TBC1D9B: variants seen among roughly 807,000 people sequenced by gnomAD.
The protein encoded by TBC1D9B is TBC1 domain family member 9B, also known as TBC1 domain family, member 9B (with GRAM domain).
Under a neutral mutation model 121.1 loss-of-function variants are expected in TBC1D9B, and 87 were observed. The observed-to-expected ratio is 0.72, with a 90% CI of 0.60 to 0.86. TBC1D9B has a LOEUF of 0.86. TBC1D9B is among the 40% of genes least tolerant of loss of function. The probability of loss-of-function intolerance (pLI) is 0.00; values close to 1 mark genes in which losing one functional copy is unlikely to be tolerated. For synonymous variants in TBC1D9B, 668 were observed against 670.1 expected (o/e 1.00, Z 0.05); for missense variants, 1,540 against 1,628.6 (o/e 0.95, Z 0.94).
chr5:179,889,556 T>C (rs902204871), intron 6 of TBC1D9B, among the ~76,000 whole-genome samples: 2 of 152,012 alleles, frequency 1.3e-5, no homozygotes, highest in Admixed American at 1.3e-4. Context: ...TGCTGGTTGC[T>C]GTGGGAGGAT....
intron 1 of TBC1D9B, among the ~76,000 whole-genome samples, chr5:179,905,339 A>C (rs1481990088): frequency 6.6e-6 from 1 of 152,220 alleles, no homozygotes; most frequent in Non-Finnish European, 1.5e-5. Flanking sequence ...ATGATTCTGC[A>C]ACATTATTTT....
intron 10 of TBC1D9B, among the ~76,000 whole-genome samples, chr5:179,877,848 A>G (rs895033798): frequency 6.6e-6 from 1 of 152,200 alleles, no homozygotes; most frequent in Admixed American, 6.5e-5. Context: ...TATGAGACAC[A>G]GTAGTCAAAT....
chr5:179,866,042 G>A, intron 18 of TBC1D9B, 154 bp from the exon 19 acceptor site: 1 of 795,022 alleles, frequency 1.3e-6, no homozygotes, highest in Admixed American at 2.3e-5. Context: ...CTCCTGCCTG[G>A]CCCGCCCAGC....
At position 179,862,778 on chromosome 5, in the gene TBC1D9B, G is replaced by C. The variant is rs1759881646; in HGVS notation, c.*670C>G. 1 of 344,238 alleles carries C rather than the reference G, an allele frequency of 2.9e-6. No homozygotes were observed. The highest frequency in any genetic ancestry group is 5.9e-6 in the Non-Finnish European group (1 of 168,280). The allele number at this position is 344,238 out of a possible 1,614,324, so 21.3% of individuals were successfully genotyped here. ...GGGATTTATTAAGGCATTGAGCACA[G>C]TGTAATTTCTAGCCAAGTGAAATGA... On this transcript the variant is annotated 3_prime_UTR_variant, in exon 21 of 21. Transcript: ENST00000355235.
At position 179,867,396 on chromosome 5, in the gene TBC1D9B, G is replaced by A. The variant is rs201260257; in HGVS notation, c.2863+382C>T. 308 of 1,521,920 alleles carry A rather than the reference G, an allele frequency of 2.0e-4. 2 individuals are homozygous for A. In the African/African-American group the frequency reaches 3.7e-3, roughly 18 times the overall value. 94.3% of individuals were successfully genotyped at this position (1,521,920 alleles called of 1,614,324 possible). A position where few individuals can be genotyped will look rare whatever the true frequency, so the allele number is the denominator to read the frequency against. On this transcript the variant is annotated intron_variant, in intron 18 of 20. Transcript: ENST00000355235. ...GCTTCCAGGCTTCCTGATAGTGCAG[G>A]AAGAGTGTTAGGAGGTACAGGGGGC...
chr5:179,886,837 C>T (rs930042313), intron 7 of TBC1D9B, among the ~76,000 whole-genome samples: 1 of 152,226 alleles, frequency 6.6e-6, no homozygotes, highest in Non-Finnish European at 1.5e-5. Context: ...AGCAGCACAT[C>T]CATCTTGTCA....
chr5:179,867,397 AAG>A (rs1355435524), intron 18 of TBC1D9B: 32 of 1,522,310 alleles, frequency 2.1e-5, no homozygotes, highest in Non-Finnish European at 2.8e-5. Context: ...ATAGTGCAGG[AAG>A]AGTGTTAGGA....
At chr5:179,881,925 A>G (rs1056598334) in intron 7 of TBC1D9B, among the ~76,000 whole-genome samples, 7 of 148,726 alleles carry the variant, frequency 4.7e-5, no homozygotes, top group Non-Finnish European at 8.9e-5. Context: ...TCTATTTTCC[A>G]TATCTTTCCA....
Position 179,894,599 on chromosome 5 carries a change from C to G in TBC1D9B, c.364G>C (p.Glu122Gln). Residue 122 changes from glutamate (E) to glutamine (Q), a missense_variant, in exon 4 of 21, where the codon GAG becomes CAG. Physicochemically the swap from Glu to Gln is conservative, Grantham distance 29. Coordinates refer to ENST00000355235, the MANE Select transcript of TBC1D9B (RefSeq NM_015043.4). ...CCCTGGGGCTGCAGGTTCTTGTTCT[C>G]TTCTGCGATGATTCCCTGGAGGAAG... ...KGKIHGIIAE[E>Q]NKNLQPQGDE... The G allele has an allele frequency of 6.2e-7, 1 of 1,614,186 alleles. No individual in the cohort carries two copies. Among genetic ancestry groups the G allele is most frequent in the Non-Finnish European group, 8.5e-7 (1 of 1,180,020 alleles).
In TBC1D9B at chr5:179,865,677, T is replaced by C; in HGVS notation, c.2914+161A>G. 1.2e-6 allele frequency: 1 copy of C among 803,908 alleles called. No homozygotes were observed. The highest frequency in any genetic ancestry group is 2.5e-5 in the East Asian group (1 of 39,336). 49.8% of individuals were successfully genotyped at this position (803,908 alleles called of 1,614,324 possible). Reference sequence around the variant, plus strand: ...GTGCCCGTGGGGCTGGTGGAGAGCGTGGAGCCTCCTGTGCATCCCGAGGCC... The same window carrying C: ...GTGCCCGTGGGGCTGGTGGAGAGCGCGGAGCCTCCTGTGCATCCCGAGGCC... On this transcript the variant is annotated intron_variant, in intron 19 of 20. Coordinates refer to ENST00000355235, the MANE Select transcript of TBC1D9B (RefSeq NM_015043.4). This position sits in a 1 kb window ranked among gnomAD's most constrained non-coding sequence, Gnocchi z 5.1.
At chr5:179,895,433 T>C (rs769082234) in intron 3 of TBC1D9B, among the ~76,000 whole-genome samples, 2 of 152,194 alleles carry the variant, frequency 1.3e-5, no homozygotes, top group Non-Finnish European at 2.9e-5. Flanking sequence ...TATCACATCC[T>C]GGAGGACGTC....
Position 179,875,080 on chromosome 5 carries a change from A to G in TBC1D9B, c.2008T>C (p.Trp670Arg). ...LGVISSISLS[W>R]FLTLFLSVMP... The stretch of plus-strand genomic sequence containing the variant: ...ACGCTGAGGAAGAGGGTCAGGAACC[A>G]GGACAGCGAGATGCTGGAGATCACC... The change falls in exon 12 of 21, where the codon TGG becomes CGG. Residue 670 changes from tryptophan to arginine, a missense_variant. Transcript: ENST00000355235. This position sits in a 1 kb window ranked among gnomAD's most constrained non-coding sequence, Gnocchi z 4.5. 1 of 1,614,096 alleles carries G rather than the reference A, an allele frequency of 6.2e-7. No homozygotes were observed. Among genetic ancestry groups the G allele is most frequent in the Non-Finnish European group, 8.5e-7 (1 of 1,180,040 alleles).
rs1193316211 is a variant in TBC1D9B, at chr5:179,904,218, G to A, written c.229+484C>T. Among the ~76,000 whole-genome samples the A allele has an allele frequency of 1.1e-5, 1 of 93,776 alleles. No homozygotes were observed. Among genetic ancestry groups the A allele is most frequent in the Non-Finnish European group, 1.8e-5 (1 of 55,420 alleles). The allele number at this position is 93,776 out of a possible 152,430, so 61.5% of individuals were successfully genotyped here. A position where few individuals can be genotyped will look rare whatever the true frequency, so the allele number is the denominator to read the frequency against. On this transcript the variant is annotated intron_variant, in intron 2 of 20. Transcript: ENST00000355235. This position sits in a 1 kb window ranked among gnomAD's most constrained non-coding sequence, Gnocchi z 4.2. ...CCCTGTCCCCATGACCAGTGGAGCT[G>A]CCTTTTTTTTTTTTTTTTTTTTTTG...
chr5:179,891,297 C>A lies in TBC1D9B; in HGVS notation c.1044+82G>T. 6.6e-7 allele frequency: 1 copy of A among 1,515,618 alleles called. No individual in the cohort carries two copies. The highest frequency in any genetic ancestry group is 1.2e-5 in the South Asian group (1 of 85,742). 93.9% of individuals were successfully genotyped at this position (1,515,618 alleles called of 1,614,324 possible). A position where few individuals can be genotyped will look rare whatever the true frequency, so the allele number is the denominator to read the frequency against. On this transcript the variant is annotated intron_variant, in intron 6 of 20. Transcript: ENST00000355235. The surrounding 1 kb of genome is among the most constrained non-coding windows in gnomAD (Gnocchi z 4.3). ...CCAGGTACCCCCCAGTGAGACAGGG[C>A]AGAGCAGGACAGGCTGGTCCCTGAG...
At chr5:179,899,388 G>C (rs1761109247) in intron 2 of TBC1D9B, 81 bp from the exon 3 acceptor site, 152 of 1,166,272 alleles carry the variant, frequency 1.3e-4, no homozygotes, top group African/African-American at 4.0e-4. Flanking sequence ...CGAGATGAAA[G>C]TGGGTGACCT....
Position 179,863,250 on chromosome 5 carries a change from C to T in TBC1D9B, c.*198G>A, listed in dbSNP as rs916705733. On this transcript the variant is annotated 3_prime_UTR_variant, in exon 21 of 21. Coordinates refer to ENST00000355235, the MANE Select transcript of TBC1D9B (RefSeq NM_015043.4). The surrounding 1 kb of genome is among the most constrained non-coding windows in gnomAD (Gnocchi z 4.5). ...TCTTCCTGGGCCCAGAAGCAGCCGG[C>T]GCCAGGAGATGCAGGCCCAGGGAAT... The T allele has an allele frequency of 1.6e-5, 10 of 624,032 alleles. No homozygotes were observed. Among genetic ancestry groups the T allele is most frequent in the Middle Eastern group, 4.4e-4 (1 of 2,296 alleles). The allele number at this position is 624,032 out of a possible 1,614,324, so 38.7% of individuals were successfully genotyped here.
chr5:179,896,277 A>G (rs540575799), intron 3 of TBC1D9B, among the ~76,000 whole-genome samples: 16 of 152,320 alleles, frequency 1.1e-4, no homozygotes, highest in African/African-American at 3.6e-4. Context: ...TGTCTTGTTA[A>G]TCTGCCTTTT....
chr5:179,868,969 G>A (rs975399398), intron 17 of TBC1D9B: 2 of 153,224 alleles, frequency 1.3e-5, no homozygotes, highest in African/African-American at 4.8e-5. Flanking sequence ...GCTATGTCAA[G>A]AGCCTTCAGC....
chr5:179,878,330 G>A lies in TBC1D9B; in HGVS notation c.1761C>T (p.Asn587=). 3 of 1,613,478 alleles carry A rather than the reference G, an allele frequency of 1.9e-6. No individual in the cohort carries two copies. The highest frequency in any genetic ancestry group is 8.5e-7 in the Non-Finnish European group (1 of 1,179,912). Residue 587 remains asparagine (N), a synonymous_variant, in exon 10 of 21, where the codon AAC becomes AAT. Transcript: ENST00000355235. The part of the protein sequence containing the change: ...RRVLTAYAFR[N]PTIGYCQAMN... ...TTACCTGGCAGTAGCCGATGGTGGG[G>A]TTTCGGAAGGCATAGGCAGTCAGCA...
Sources: gnomAD v4.1 joint callset for allele counts (sites outside exome capture counted in the v4.1 genomes callset) on GRCh38, gnomAD v4.1.1 for gene constraint, Gnocchi (gnomAD v3.1) non-coding constraint, MANE v1.5 for transcripts, NCBI Gene and HGNC (gene_info 2026-07-23, HGNC 2026-07-21) for gene names.